The following SMC3 variants were observed in gnomAD, a reference collection of about 807,000 sequenced individuals.
SMC3 encodes the protein structural maintenance of chromosomes protein 3.
In SMC3, 20 loss-of-function variants were observed where a neutral mutation model predicts 171.8. The ratio of observed to expected loss-of-function variants is 0.12; its 90% CI spans 0.08 to 0.17. The LOEUF is 0.17. Among genes scored for constraint, SMC3 ranks in the 10% least tolerant of loss-of-function variants. SMC3 has a pLI of 1.00. For synonymous variants in SMC3, 464 were observed against 451.1 expected, an observed-to-expected ratio of 1.03 and a Z score of -0.36; for missense variants, 543 against 1,420.4, an observed-to-expected ratio of 0.38 and a Z score of 9.93.
chr10:110,592,920 T>C (rs190246417), intron 17 of SMC3, among the ~76,000 whole-genome samples, 153 bp from the exon 18 acceptor site: 2 of 152,362 alleles, frequency 1.3e-5, no homozygotes, highest in East Asian at 3.9e-4. Context: ...TCTAGTGGAA[T>C]GAGTCTTCTA....
chr10:110,600,214 AC>A (rs1293857332), intron 21 of SMC3, among the ~76,000 whole-genome samples: 1 of 152,224 alleles, frequency 6.6e-6, no homozygotes, highest in Non-Finnish European at 1.5e-5. Context: ...ATTTAAAGAA[AC>A]TGTTTTTGAC....
At chr10:110,599,875 T>G (rs1159897751) in intron 21 of SMC3, 63 bp downstream of exon 21, 7 of 1,435,204 alleles carry the variant, frequency 4.9e-6, no homozygotes, top group African/African-American at 2.8e-5. Context: ...AAAGGGCCTT[T>G]CTTGCTAACT....
At chr10:110,596,322 T>C in intron 18 of SMC3, 76 bp from the exon 19 acceptor site, 1 of 1,367,236 alleles carries the variant, frequency 7.3e-7, no homozygotes, top group Non-Finnish European at 1.0e-6. Flanking sequence ...GCCTGTAGGT[T>C]AGTTTTTTTG....
intron 19 of SMC3, among the ~76,000 whole-genome samples, chr10:110,597,450 AATAGAT>A (rs1397419153): frequency 5.9e-5 from 9 of 152,338 alleles, no homozygotes; most frequent in South Asian, 2.1e-4. Context: ...GAGCATCAAG[AATAGAT>A]ATAAAGTTAA....
At chr10:110,574,121 T>A (rs1478440283) in intron 3 of SMC3, among the ~76,000 whole-genome samples, 1 of 152,232 alleles carries the variant, frequency 6.6e-6, no homozygotes, top group Non-Finnish European at 1.5e-5. Flanking sequence ...ATTTTAAACG[T>A]ATGTAAATGC....
At chr10:110,584,420 G>C (rs1188732832) in intron 13 of SMC3, 24 bp downstream of exon 13, 12 of 1,533,736 alleles carry the variant, frequency 7.8e-6, no homozygotes, top group Non-Finnish European at 9.9e-6. Flanking sequence ...TAGCTGCTTT[G>C]TAAAAATCTT....
intron 1 of SMC3, 29 bp from the exon 2 acceptor site, chr10:110,568,909 G>A: frequency 7.7e-7 from 1 of 1,290,706 alleles, no homozygotes. Flanking sequence ...TTGTGGGGTG[G>A]GTTCTCAAAA....
intron 18 of SMC3, among the ~76,000 whole-genome samples, chr10:110,594,016 A>G (rs1313361010): frequency 2.6e-5 from 4 of 152,058 alleles, no homozygotes; most frequent in African/African-American, 9.7e-5. Flanking sequence ...ATTTTCAATT[A>G]TTTTATAGTT....
rs58488395 is a variant in SMC3 at position 110,592,263 on chromosome 10, C to CAAA, written c.1813-797_1813-795dup. Among the ~76,000 whole-genome samples the CAAA allele has an allele frequency of 3.0e-3, 437 of 144,484 alleles. 1 individual carries two copies. Among genetic ancestry groups the CAAA allele is most frequent in the African/African-American group, 8.7e-3 (338 of 38,910 alleles). The allele number at this position is 144,484 out of a possible 152,430, so 94.8% of individuals were successfully genotyped here. The stretch of plus-strand genomic sequence containing the variant: ...CTGGCAACAGAGCAAGACTCCATCT[C>CAAA]AAAAAAAAAAAAAAATTTTATAGAA... On this transcript the variant is annotated intron_variant, in intron 17 of 28. Transcript: ENST00000361804.
intron 1 of SMC3, among the ~76,000 whole-genome samples, chr10:110,568,066 G>T (rs1309498881): frequency 3.3e-5 from 5 of 152,212 alleles, no homozygotes; most frequent in Non-Finnish European, 7.4e-5. Context: ...GCTTGTCTGG[G>T]AGAGGCAGGA....
chr10:110,602,679 A>T lies in SMC3; in HGVS notation c.3297+14A>T. 6.2e-7 allele frequency: 1 copy of T among 1,606,150 alleles called. No homozygotes were observed. The highest frequency in any genetic ancestry group is 8.5e-7 in the Non-Finnish European group (1 of 1,172,734). Reference sequence around the variant, plus strand: ...GTTGGAATTAGGGTAAAATACCTTTATATTCCATTTTCCTCAGAGCATTAC... The same window carrying T: ...GTTGGAATTAGGGTAAAATACCTTTTTATTCCATTTTCCTCAGAGCATTAC... On this transcript the variant is annotated intron_variant, in intron 26 of 28. Transcript: ENST00000361804.
intron 2 of SMC3, among the ~76,000 whole-genome samples, chr10:110,571,979 T>C (rs1176400860): frequency 1.3e-5 from 2 of 152,224 alleles, no homozygotes; most frequent in African/African-American, 4.8e-5. Context: ...AAATTTCAGT[T>C]ATTTATAGAT....
At chr10:110,593,680 G>A (rs1861246249) in intron 18 of SMC3, among the ~76,000 whole-genome samples, 1 of 151,610 alleles carries the variant, frequency 6.6e-6, no homozygotes, top group Non-Finnish European at 1.5e-5. Context: ...GAGAGTATTC[G>A]AAAAATTCAT....
At chr10:110,584,517 A>G (rs866378470) in intron 13 of SMC3, 121 bp downstream of exon 13, 2 of 694,882 alleles carry the variant, frequency 2.9e-6, no homozygotes, top group Non-Finnish European at 4.9e-6. Context: ...TATATGACAG[A>G]TACTTATTTA....
At chr10:110,571,911 C>T (rs1860879053) in intron 2 of SMC3, among the ~76,000 whole-genome samples, 1 of 152,058 alleles carries the variant, frequency 6.6e-6, no homozygotes, top group South Asian at 2.1e-4. Context: ...ATTCAGCATC[C>T]TTTAAAATTG....
rs372956261 is a variant in SMC3 at position 110,593,314 on chromosome 10, G to A, written c.1963+91G>A. ...TGGCTGGGCGCAGTGGCTCATGCCT[G>A]TAATCCCAGCACTTTGGGAGGCTGA... On this transcript the variant is annotated intron_variant, in intron 18 of 28. Transcript: ENST00000361804. 4.0e-4 allele frequency: 525 copies of A among 1,320,544 alleles called. 5 individuals are homozygous for A. The East Asian group carries it at 0.011, about 27-fold the overall frequency. 81.8% of individuals were successfully genotyped at this position (1,320,544 alleles called of 1,614,324 possible).
In SMC3 at chr10:110,602,456, A is replaced by G. The variant is rs372748192; in HGVS notation, c.3106-18A>G. On this transcript the variant is annotated intron_variant, in intron 25 of 28. Transcript: ENST00000361804. ...AATTCTAAGCAAAATTTATATTTCA[A>G]TCTGCTTTTGTTTTAAGGTATCTAA... 1.7e-5 allele frequency: 28 copies of G among 1,600,164 alleles called. No homozygotes were observed. The highest frequency in any genetic ancestry group is 6.7e-5 in the East Asian group (3 of 44,774).
chr10:110,569,359 A>G (rs551100556), intron 2 of SMC3, among the ~76,000 whole-genome samples: 1 of 152,028 alleles, frequency 6.6e-6, no homozygotes, highest in Non-Finnish European at 1.5e-5. Context: ...TTTATTCACA[A>G]AGTAGATGCC....
At chr10:110,603,088 G>A in intron 27 of SMC3, 86 bp downstream of exon 27, 1 of 1,554,562 alleles carries the variant, frequency 6.4e-7, no homozygotes, top group Non-Finnish European at 8.9e-7. Context: ...TCAAACTCAG[G>A]CAGTTTTGAA....
Sources: gnomAD v4.1 joint callset for allele counts (sites outside exome capture counted in the v4.1 genomes callset) on GRCh38, gnomAD v4.1.1 for gene constraint, MANE v1.5 for transcripts, NCBI Gene and HGNC (gene_info 2026-07-23, HGNC 2026-07-21) for gene names.